MYRFL: variants seen among roughly 807,000 people sequenced by gnomAD.
MYRFL encodes myelin regulatory factor like, also known as myelin regulatory factor-like protein.
A neutral mutation model predicts 109.4 loss-of-function variants in MYRFL; 88 were observed. That is an observed-to-expected ratio of 0.80 (90% CI 0.68 to 0.96). The LOEUF is 0.96. Among genes scored for constraint, MYRFL ranks in the 40% least tolerant of loss-of-function variants. MYRFL has a pLI of 0.00. For synonymous variants in MYRFL, 324 were observed against 320.9 expected, an observed-to-expected ratio of 1.01 and a Z score of -0.10; for missense variants, 957 against 954.9, an observed-to-expected ratio of 1.00 and a Z score of -0.03.
chr12:69,870,922 A>AT (rs920711709), intron 2 of MYRFL, among the ~76,000 whole-genome samples: 4 of 151,850 alleles, frequency 2.6e-5, no homozygotes, highest in Non-Finnish European at 4.4e-5. Flanking sequence ...GCCAAGCCAT[A>AT]TTTTTTTTAG....
chr12:69,903,944 A>C, intron 11 of MYRFL, 100 bp downstream of exon 11: 1 of 1,084,234 alleles, frequency 9.2e-7, no homozygotes, highest in South Asian at 1.7e-5. Flanking sequence ...ACATCTTTAC[A>C]TGTCACCCAC....
intron 14 of MYRFL, among the ~76,000 whole-genome samples, 191 bp downstream of exon 14, chr12:69,926,925 T>C (rs1955103879): frequency 7.4e-6 from 1 of 135,710 alleles, no homozygotes; most frequent in Non-Finnish European, 1.6e-5. Flanking sequence ...AGTTTTTTTC[T>C]GTTGCTGGTT....
chr12:69,935,902 GC>G (rs1955438452), intron 16 of MYRFL: 3 of 585,312 alleles, frequency 5.1e-6, no homozygotes, highest in South Asian at 5.1e-5. Context: ...ATACCTAGGA[GC>G]CTCTGAGCTC....
At chr12:69,928,928 T>G (rs1304163173) in intron 15 of MYRFL, among the ~76,000 whole-genome samples, 1 of 152,192 alleles carries the variant, frequency 6.6e-6, no homozygotes, top group African/African-American at 2.4e-5. Context: ...ACCTGCAATC[T>G]CTGTAGCTCC....
At chr12:69,857,542 G>T (rs1044976063) in intron 2 of MYRFL, among the ~76,000 whole-genome samples, 3 of 151,650 alleles carry the variant, frequency 2.0e-5, no homozygotes, top group Non-Finnish European at 4.4e-5. Context: ...TCTATTTATT[G>T]AGGGCTTCTT....
chr12:69,906,693 C>T (rs1269866229), intron 11 of MYRFL, among the ~76,000 whole-genome samples: 2 of 152,188 alleles, frequency 1.3e-5, no homozygotes, highest in African/African-American at 4.8e-5. Flanking sequence ...CATGCAAAGT[C>T]TCCCTCTGGG....
chr12:69,914,695 G>A (rs1954677843), intron 13 of MYRFL, among the ~76,000 whole-genome samples: 1 of 152,122 alleles, frequency 6.6e-6, no homozygotes, highest in African/African-American at 2.4e-5. Flanking sequence ...TCATTCCTAG[G>A]AAGGCAAACT....
Position 69,910,050 on chromosome 12 carries a change from A to C in MYRFL, c.1465A>C (p.Met489Leu). Residue 489 changes from methionine to leucine, a missense_variant, in exon 12 of 25, where the codon ATG becomes CTG. Physicochemically the swap from Met to Leu is conservative, Grantham distance 15. Transcript: ENST00000552032. ...CTACAAACCTGAATTTGCATCTGCA[A>C]TGGGAATAAACACTGCCCATCAAAC... Reference protein sequence around the residue: ...YDYKPEFASAMGINTAHQTGM... With the variant: ...YDYKPEFASALGINTAHQTGM... 6.5e-7 allele frequency: 1 copy of C among 1,534,258 alleles called. No homozygotes were observed. The highest frequency in any genetic ancestry group is 8.7e-7 in the Non-Finnish European group (1 of 1,146,034).
intron 1 of MYRFL, among the ~76,000 whole-genome samples, chr12:69,827,607 A>G (rs1365960335): frequency 6.6e-6 from 1 of 152,260 alleles, no homozygotes; most frequent in East Asian, 1.9e-4. Flanking sequence ...AAAGGTTGTC[A>G]TAAGACGGGT....
chr12:69,844,225 T>G (rs1240264), intron 1 of MYRFL, among the ~76,000 whole-genome samples: 30,657 of 152,156 alleles, frequency 0.2, 3,880 homozygotes, highest in Middle Eastern at 0.36. Flanking sequence ...CCTTATTCAT[T>G]AAGGCGTTTG....
In MYRFL at chr12:69,877,172, T is replaced by C. The variant is rs947043940; in HGVS notation, c.138-1856T>C. Among the ~76,000 whole-genome samples, 22 of 151,958 alleles carry C rather than the reference T, an allele frequency of 1.4e-4. No homozygotes were observed. In the East Asian group the frequency reaches 4.1e-3, roughly 28 times the overall value. On this transcript the variant is annotated intron_variant, in intron 2 of 24. Coordinates refer to ENST00000552032, the MANE Select transcript of MYRFL (RefSeq NM_182530.3). ...CCGAGTAGCTGGGACTACAGGCGGC[T>C]GCCACCACGCCTGGCTCATTTTTTG...
intron 11 of MYRFL, among the ~76,000 whole-genome samples, chr12:69,907,619 A>G (rs549485504): frequency 1.3e-5 from 2 of 152,178 alleles, no homozygotes; most frequent in Non-Finnish European, 1.5e-5. Context: ...TCTCTCTTCA[A>G]TTCTCTTCAT....
intron 1 of MYRFL, among the ~76,000 whole-genome samples, chr12:69,848,638 G>A (rs1024994991): frequency 1.3e-5 from 2 of 151,666 alleles, no homozygotes; most frequent in African/African-American, 4.8e-5. Flanking sequence ...AGTTTTAGTT[G>A]GTATTCTTTG....
chr12:69,868,975 C>T (rs1306799464), intron 2 of MYRFL, among the ~76,000 whole-genome samples: 1 of 152,090 alleles, frequency 6.6e-6, no homozygotes. Context: ...TGCGTGCACA[C>T]ATGCACTCAC....
intron 2 of MYRFL, 149 bp from the exon 3 acceptor site, chr12:69,878,879 G>T (rs1885860420): frequency 4.6e-6 from 3 of 648,128 alleles, no homozygotes; most frequent in Admixed American, 2.2e-5. Flanking sequence ...GTCTGCTGGG[G>T]TCTCACTTCC....
intron 19 of MYRFL, among the ~76,000 whole-genome samples, chr12:69,938,638 A>T (rs145683793): frequency 0.016 from 2,477 of 152,314 alleles, 36 homozygotes; most frequent in South Asian, 0.036. Flanking sequence ...TTAGTTTTTA[A>T]TGAAAAGGTT....
chr12:69,947,371 TC>T (rs1955864362), intron 19 of MYRFL, among the ~76,000 whole-genome samples: 1 of 152,174 alleles, frequency 6.6e-6, no homozygotes, highest in Non-Finnish European at 1.5e-5. Context: ...TCATTATTCT[TC>T]TTTTGGGCCA....
At chr12:69,899,107 C>T (rs892769703) in intron 10 of MYRFL, among the ~76,000 whole-genome samples, 3 of 152,136 alleles carry the variant, frequency 2.0e-5, no homozygotes, top group Non-Finnish European at 1.5e-5. Context: ...ATAGTCTTCT[C>T]CCAGACACAA....
At chr12:69,949,319 G>C (rs766205924) in intron 19 of MYRFL, among the ~76,000 whole-genome samples, 13 of 151,458 alleles carry the variant, frequency 8.6e-5, no homozygotes, top group Non-Finnish European at 1.8e-4. Context: ...CTAAATGATT[G>C]CTTTCACTAT....
Sources: allele counts gnomAD v4.1 joint callset (sites outside exome capture counted in the v4.1 genomes callset), GRCh38; gene constraint gnomAD v4.1.1; transcripts MANE v1.5; gene names NCBI Gene and HGNC (gene_info 2026-07-23, HGNC 2026-07-21).